Variants in SOHLH2 observed in about 807,000 individuals in gnomAD.
The protein encoded by SOHLH2 is spermatogenesis and oogenesis specific basic helix-loop-helix 2.
Under a neutral mutation model 50.4 loss-of-function variants are expected in SOHLH2, and 22 were observed. The observed-to-expected ratio is 0.44, with a 90% CI of 0.31 to 0.62. The LOEUF (loss-of-function observed/expected upper bound fraction) is 0.62, where lower values mean the gene tolerates loss of function less well. Ranked by LOEUF, SOHLH2 falls within the 20% of genes least tolerant of loss-of-function variation. SOHLH2 has a pLI of 0.08. For synonymous variants in SOHLH2, 185 were observed against 187.3 expected (o/e 0.99, Z 0.10); for missense variants, 412 against 504.4 (o/e 0.82, Z 1.76).
intron 4 of SOHLH2, among the ~76,000 whole-genome samples, chr13:36,192,550 T>A (rs568898095): frequency 6.6e-6 from 1 of 152,318 alleles, no homozygotes; most frequent in Non-Finnish European, 1.5e-5. Flanking sequence ...ACTGTTAAAG[T>A]AAATCTCATA....
At chr13:36,187,102 G>A (rs1182333257) in intron 6 of SOHLH2, among the ~76,000 whole-genome samples, 1 of 152,090 alleles carries the variant, frequency 6.6e-6, no homozygotes, top group African/African-American at 2.4e-5. Flanking sequence ...TCTTCTTTTT[G>A]AGAAACAAAG....
intron 6 of SOHLH2, among the ~76,000 whole-genome samples, chr13:36,189,310 A>AGT (rs1887510806): frequency 6.6e-6 from 1 of 152,100 alleles, no homozygotes. Context: ...TGCCCAACAG[A>AGT]CTAGGTTATA....
chr13:36,214,485 C>T lies in SOHLH2; in HGVS notation c.42G>A (p.Ser14=). The T allele has an allele frequency of 2.5e-6, 4 of 1,612,960 alleles. No individual in the cohort carries two copies. Among genetic ancestry groups the T allele is most frequent in the Non-Finnish European group, 3.4e-6 (4 of 1,179,528 alleles). Residue 14 remains serine (S), a synonymous_variant, in exon 1 of 11, where the codon TCG becomes TCA. Transcript: ENST00000379881. ...CCCTTCCACAGCCTCTTACCTGGCC[C>T]GAGATCTGGCAGTGCTCCTGGCAGA... The part of the protein sequence containing the change: ...SIICQEHCQI[S]GQAKIDILLV...
At chr13:36,198,041 G>A (rs1322419784) in intron 2 of SOHLH2, among the ~76,000 whole-genome samples, 1 of 152,186 alleles carries the variant, frequency 6.6e-6, no homozygotes, top group African/African-American at 2.4e-5. Context: ...GACATAAAAG[G>A]ACAACTTGTT....
Position 36,201,974 on chromosome 13 carries a change from T to G in SOHLH2, c.168A>C (p.Ala56=), listed in dbSNP as rs373834933. 5 of 1,614,132 alleles carry G rather than the reference T, an allele frequency of 3.1e-6. No homozygotes were observed. In the African/African-American group the frequency reaches 6.7e-5, roughly 22 times the overall value. The change falls in exon 2 of 11, where the codon GCA becomes GCC. Residue 56 remains alanine, a synonymous_variant. Coordinates refer to ENST00000379881, the MANE Select transcript of SOHLH2 (RefSeq NM_017826.3). ...ATATGCAATCATCCAAAAGCGCTGC[T>G]GCCTCCTTCGTGTCACTGATGGTGA... ...VTITISDTKE[A]AALLDDCIFN... is the part of the protein sequence containing the mutation.
chr13:36,187,397 T>G (rs4142240), intron 6 of SOHLH2, among the ~76,000 whole-genome samples: 14,748 of 152,236 alleles, frequency 0.097, 719 homozygotes, highest in East Asian at 0.13. Context: ...GAATACAATC[T>G]TAGGATATCA....
At chr13:36,207,457 AAG>A (rs1329137390) in intron 1 of SOHLH2, among the ~76,000 whole-genome samples, 1 of 152,154 alleles carries the variant, frequency 6.6e-6, no homozygotes, top group Non-Finnish European at 1.5e-5. Context: ...TGACTTACAG[AAG>A]AGTTGCAGAG....
chr13:36,184,460 C>CTTTTTTTTTTTTTTTTT lies in SOHLH2; in HGVS notation c.641+5469_641+5485dup, dbSNP rs1229884029. ...GATGGAAGTTTCTACCTACAAAGAC[C>CTTTTTTTTTTTTTTTTT]TTTTTTTTTTTTTTTTTTTGAGACG... On this transcript the variant is annotated intron_variant, in intron 6 of 10. Coordinates refer to ENST00000379881, the MANE Select transcript of SOHLH2 (RefSeq NM_017826.3). Among the ~76,000 whole-genome samples, 949 of 120,972 alleles carry CTTTTTTTTTTTTTTTTT rather than the reference C, an allele frequency of 7.8e-3. 107 individuals carry two copies. Among genetic ancestry groups the CTTTTTTTTTTTTTTTTT allele is most frequent in the Non-Finnish European group, 0.014 (777 of 56,572 alleles). 79.4% of individuals were successfully genotyped at this position (120,972 alleles called of 152,430 possible).
chr13:36,187,764 G>A (rs773864813), intron 6 of SOHLH2, among the ~76,000 whole-genome samples: 5 of 152,136 alleles, frequency 3.3e-5, no homozygotes, highest in Admixed American at 6.5e-5. Context: ...TCTTCCACCC[G>A]GTTCTGGATT....
chr13:36,187,010 A>G (rs894294609), intron 6 of SOHLH2, among the ~76,000 whole-genome samples: 3 of 152,130 alleles, frequency 2.0e-5, no homozygotes, highest in African/African-American at 7.2e-5. Context: ...GGGAAAGACA[A>G]AAACTAATCA....
At chr13:36,194,967 T>C (rs1225933373) in intron 2 of SOHLH2, among the ~76,000 whole-genome samples, 2 of 152,076 alleles carry the variant, frequency 1.3e-5, no homozygotes, top group Non-Finnish European at 2.9e-5. Context: ...TATATTAATA[T>C]AAATTTATAT....
In SOHLH2 at chr13:36,184,459, C is replaced by CTTTTTTTTTTTT. The variant is rs764218457; in HGVS notation, c.641+5486_641+5487insAAAAAAAAAAAA. On this transcript the variant is annotated intron_variant, in intron 6 of 10. Transcript: ENST00000379881. ...TGATGGAAGTTTCTACCTACAAAGA[C>CTTTTTTTTTTTT]CTTTTTTTTTTTTTTTTTTTGAGAC... 4.9e-5 allele frequency among the ~76,000 whole-genome samples: 4 copies of CTTTTTTTTTTTT among 81,662 alleles called. 1 individual carries two copies. The highest frequency in any genetic ancestry group is 2.0e-4 in the African/African-American group (4 of 20,408). 53.6% of individuals were successfully genotyped at this position (81,662 alleles called of 152,430 possible).
Position 36,174,537 on chromosome 13 carries a change from A to G in SOHLH2, c.820T>C (p.Phe274Leu). 6.2e-7 allele frequency: 1 copy of G among 1,614,080 alleles called. No homozygotes were observed. The highest frequency in any genetic ancestry group is 1.1e-5 in the South Asian group (1 of 91,084). The change falls in exon 8 of 11, where the codon TTT becomes CTT. Residue 274 changes from phenylalanine to leucine, a missense_variant. Phe to Leu is a conservative substitution (Grantham distance 22). Coordinates refer to ENST00000379881, the MANE Select transcript of SOHLH2 (RefSeq NM_017826.3). ...ATGGGTGTTTGTTGTTTCTTACAAA[A>G]CCTCATGTTGCTCTGAAGTGCTTCT... ...ITEALQSNMRFCKKQQTPIEL... is the reference protein window; with the variant it reads ...ITEALQSNMRLCKKQQTPIEL...
chr13:36,177,498 CA>C (rs1887125080), intron 6 of SOHLH2, among the ~76,000 whole-genome samples: 1 of 152,026 alleles, frequency 6.6e-6, no homozygotes, highest in Admixed American at 6.6e-5. Context: ...CTTACCACAC[CA>C]AGGGAGTACC....
chr13:36,191,964 A>C, intron 4 of SOHLH2, 70 bp from the exon 5 acceptor site: 1 of 1,526,666 alleles, frequency 6.6e-7, no homozygotes, highest in South Asian at 1.1e-5. Context: ...TCAAACACAC[A>C]AGCCCCAATC....
At chr13:36,205,596 C>A (rs936615615) in intron 1 of SOHLH2, among the ~76,000 whole-genome samples, 1 of 151,932 alleles carries the variant, frequency 6.6e-6, no homozygotes, top group Non-Finnish European at 1.5e-5. Context: ...CTGGGATAAA[C>A]CTATTCATAA....
chr13:36,203,880 A>C (rs199860730), intron 1 of SOHLH2, among the ~76,000 whole-genome samples: 1 of 148,938 alleles, frequency 6.7e-6, no homozygotes, highest in African/African-American at 2.5e-5. Flanking sequence ...GCTTTGTGGG[A>C]GTTTATACAG....
intron 2 of SOHLH2, 34 bp downstream of exon 2, chr13:36,201,845 C>G: frequency 6.2e-7 from 1 of 1,607,048 alleles, no homozygotes; most frequent in Non-Finnish European, 8.5e-7. Flanking sequence ...AAAAATGATT[C>G]TAAAGATACA....
Position 36,184,459 on chromosome 13 carries a change from C to CTTTTTTTTT in SOHLH2, c.641+5486_641+5487insAAAAAAAAA, listed in dbSNP as rs764218457. Among the ~76,000 whole-genome samples, 5 of 81,688 alleles carry CTTTTTTTTT rather than the reference C, an allele frequency of 6.1e-5. 2 individuals carry two copies. Among genetic ancestry groups the CTTTTTTTTT allele is most frequent in the African/African-American group, 1.5e-4 (3 of 20,400 alleles). The allele number at this position is 81,688 out of a possible 152,430, so 53.6% of individuals were successfully genotyped here. On this transcript the variant is annotated intron_variant, in intron 6 of 10. Coordinates refer to ENST00000379881, the MANE Select transcript of SOHLH2 (RefSeq NM_017826.3). ...TGATGGAAGTTTCTACCTACAAAGA[C>CTTTTTTTTT]CTTTTTTTTTTTTTTTTTTTGAGAC...
Sources: gnomAD v4.1 joint callset for allele counts (sites outside exome capture counted in the v4.1 genomes callset) on GRCh38, gnomAD v4.1.1 for gene constraint, MANE v1.5 for transcripts, NCBI Gene and HGNC (gene_info 2026-07-23, HGNC 2026-07-21) for gene names.